PDE4B: variants seen among roughly 807,000 people sequenced by gnomAD.
The protein encoded by PDE4B is 3',5'-cyclic-AMP phosphodiesterase 4B.
PDE4B carries 20 observed loss-of-function variants against 82.2 expected under a neutral mutation model. The ratio of observed to expected loss-of-function variants is 0.24; its 90% CI spans 0.17 to 0.35. The LOEUF is 0.35. Among genes scored for constraint, PDE4B ranks in the 10% least tolerant of loss-of-function variants. PDE4B has a pLI of 1.00. For synonymous variants in PDE4B, 320 were observed against 318.9 expected (o/e 1.00, Z -0.04); for missense variants, 655 against 907.2 (o/e 0.72, Z 3.57).
chr1:65,854,389 G>A (rs2100226867), intron 1 of PDE4B, among the ~76,000 whole-genome samples: 1 of 148,922 alleles, frequency 6.7e-6, no homozygotes, highest in East Asian at 2.0e-4. Flanking sequence ...TTTTCTTTCT[G>A]TTTGAAGAAC....
chr1:66,219,521 A>G (rs1410291242), intron 3 of PDE4B, among the ~76,000 whole-genome samples: 1 of 152,160 alleles, frequency 6.6e-6, no homozygotes, highest in Admixed American at 6.6e-5. Flanking sequence ...GTTGAAATCC[A>G]AAGAAATGTG....
chr1:65,957,641 T>G (rs1023216355), intron 3 of PDE4B, among the ~76,000 whole-genome samples: 1 of 152,112 alleles, frequency 6.6e-6, no homozygotes, highest in African/African-American at 2.4e-5. Context: ...AATTGGCATT[T>G]TTTTGGTATT....
intron 3 of PDE4B, among the ~76,000 whole-genome samples, chr1:66,049,112 C>T (rs199756655): frequency 5.3e-5 from 8 of 151,878 alleles, no homozygotes; most frequent in South Asian, 2.1e-4. Context: ...GTGGAAATAT[C>T]GTAAGTGTAG....
intron 3 of PDE4B, among the ~76,000 whole-genome samples, chr1:66,103,080 G>C (rs1355670494): frequency 1.3e-5 from 2 of 152,034 alleles, no homozygotes; most frequent in African/African-American, 4.8e-5. Flanking sequence ...TTTCTCCCTA[G>C]GAGAACTGAG....
At chr1:66,121,570 C>A (rs968062587) in intron 3 of PDE4B, among the ~76,000 whole-genome samples, 1 of 152,124 alleles carries the variant, frequency 6.6e-6, no homozygotes, top group Non-Finnish European at 1.5e-5. Context: ...TGTGCCTTGC[C>A]TCTGTTGTTC....
intron 3 of PDE4B, among the ~76,000 whole-genome samples, chr1:66,122,120 C>T (rs1333400233): frequency 6.6e-6 from 1 of 152,144 alleles, no homozygotes; most frequent in Non-Finnish European, 1.5e-5. Context: ...TCCTAGGCTA[C>T]TGACTGATTG....
chr1:65,970,691 A>G (rs145799190), intron 3 of PDE4B, among the ~76,000 whole-genome samples: 17 of 152,254 alleles, frequency 1.1e-4, no homozygotes, highest in South Asian at 8.3e-4. Context: ...TGGAGGCATC[A>G]GTGAGATCTT....
intron 3 of PDE4B, among the ~76,000 whole-genome samples, chr1:66,101,295 T>G (rs1645219010): frequency 6.6e-6 from 1 of 152,216 alleles, no homozygotes; most frequent in Non-Finnish European, 1.5e-5. Flanking sequence ...TAAACATACA[T>G]GTGCATGTGT....
chr1:66,269,296 C>T (rs1272454902), intron 7 of PDE4B, among the ~76,000 whole-genome samples: 1 of 152,042 alleles, frequency 6.6e-6, no homozygotes, highest in Non-Finnish European at 1.5e-5. Context: ...ATAAGAAAGC[C>T]AGAGTAGAGC....
chr1:66,071,390 A>G (rs564581150), intron 3 of PDE4B, among the ~76,000 whole-genome samples: 1 of 152,262 alleles, frequency 6.6e-6, no homozygotes, highest in Non-Finnish European at 1.5e-5. Context: ...AGAAATTTGG[A>G]TTGATAAAGC....
At chr1:66,043,781 A>G (rs7556303) in intron 3 of PDE4B, among the ~76,000 whole-genome samples, 32,808 of 151,636 alleles carry the variant, frequency 0.22, 4,090 homozygotes, top group Middle Eastern at 0.36. Flanking sequence ...GAGAGAACCA[A>G]CACAAAACAG....
intron 7 of PDE4B, among the ~76,000 whole-genome samples, chr1:66,271,860 C>T (rs749471766): frequency 1.2e-4 from 19 of 152,330 alleles, no homozygotes; most frequent in Non-Finnish European, 2.4e-4. Flanking sequence ...CCAGTAAGGT[C>T]GTGTTTGATA....
chr1:66,037,628 T>A (rs948957088), intron 3 of PDE4B, among the ~76,000 whole-genome samples: 1 of 152,186 alleles, frequency 6.6e-6, no homozygotes, highest in Non-Finnish European at 1.5e-5. Context: ...TATCTAATTG[T>A]TCTGGCTAGT....
intron 2 of PDE4B, among the ~76,000 whole-genome samples, chr1:65,916,330 T>C (rs1647159250): frequency 6.6e-6 from 1 of 152,188 alleles, no homozygotes; most frequent in Non-Finnish European, 1.5e-5. Context: ...GTGACTTTTT[T>C]ATTTTTCAAA....
chr1:65,807,859 GA>G (rs1645774631), intron 1 of PDE4B, among the ~76,000 whole-genome samples: 1 of 152,234 alleles, frequency 6.6e-6, no homozygotes, highest in Admixed American at 6.5e-5. Context: ...TATCTGTCAG[GA>G]AAGGAGTAGT....
intron 3 of PDE4B, chr1:66,042,600 A>G (rs545183329): frequency 2.6e-4 from 39 of 151,880 alleles, no homozygotes; most frequent in African/African-American, 8.9e-4. Context: ...AGTTTCCAGC[A>G]TACAACAAGC....
chr1:66,003,306 G>T (rs17128201), intron 3 of PDE4B, among the ~76,000 whole-genome samples: 27 of 150,972 alleles, frequency 1.8e-4, no homozygotes, highest in African/African-American at 6.6e-4. Flanking sequence ...TTACATTCCC[G>T]ATAAGAAATT....
Position 66,189,663 on chromosome 1 carries a change from T to A in PDE4B, c.282-57797T>A, listed in dbSNP as rs1273103998. ...TTGTGCATTCGTCACGTAGTTCTCATGCCATGGTTTTCAGCTCCCTCAGGT... is the reference window on the plus strand; with the variant it reads ...TTGTGCATTCGTCACGTAGTTCTCAAGCCATGGTTTTCAGCTCCCTCAGGT... On this transcript the variant is annotated intron_variant, in intron 3 of 16. Coordinates refer to ENST00000341517, the MANE Select transcript of PDE4B (RefSeq NM_002600.4). Among the ~76,000 whole-genome samples the A allele has an allele frequency of 2.6e-5, 4 of 152,362 alleles. No homozygotes were observed. In the East Asian group the frequency reaches 5.8e-4, roughly 22 times the overall value.
intron 3 of PDE4B, among the ~76,000 whole-genome samples, chr1:66,019,871 C>T (rs1416166262): frequency 1.3e-5 from 2 of 152,154 alleles, no homozygotes; most frequent in Non-Finnish European, 2.9e-5. Flanking sequence ...ACAATACTCT[C>T]AGAGAGCTAC....
Sources: allele counts gnomAD v4.1 joint callset (sites outside exome capture counted in the v4.1 genomes callset), GRCh38; gene constraint gnomAD v4.1.1; transcripts MANE v1.5; gene names NCBI Gene and HGNC (gene_info 2026-07-23, HGNC 2026-07-21).